The following ARHGAP18 variants were observed in gnomAD, a reference collection of about 807,000 sequenced individuals.
The protein encoded by ARHGAP18 is Rho GTPase activating protein 18, also known as rho GTPase-activating protein 18.
ARHGAP18 carries 67 observed loss-of-function variants against 86.2 expected under a neutral mutation model. The observed-to-expected ratio is 0.78, with a 90% CI of 0.64 to 0.95. ARHGAP18 has a LOEUF of 0.95. ARHGAP18 is among the 40% of genes least tolerant of loss of function. The pLI, the probability that ARHGAP18 is intolerant of heterozygous loss-of-function variation, is 0.00. For synonymous variants in ARHGAP18, 283 were observed against 280.4 expected (o/e 1.01, Z -0.09); for missense variants, 691 against 780.4 (o/e 0.89, Z 1.37).
At chr6:129,603,857 C>T (rs953196627) in intron 10 of ARHGAP18, among the ~76,000 whole-genome samples, 1 of 152,192 alleles carries the variant, frequency 6.6e-6, no homozygotes, top group Non-Finnish European at 1.5e-5. Context: ...TGGTATTTAA[C>T]ATGGTGCCTC....
intron 3 of ARHGAP18, among the ~76,000 whole-genome samples, chr6:129,637,049 T>A (rs950394248): frequency 3.9e-5 from 6 of 152,058 alleles, no homozygotes; most frequent in African/African-American, 1.5e-4. Context: ...GTTCTTGTAC[T>A]GTTTTGTTGT....
chr6:129,640,812 T>C (rs1457743341), intron 2 of ARHGAP18, among the ~76,000 whole-genome samples: 2 of 152,304 alleles, frequency 1.3e-5, no homozygotes, highest in African/African-American at 4.8e-5. Context: ...CATCAACTTA[T>C]ATAAACATAC....
At chr6:129,620,513 C>T (rs1004389381) in intron 5 of ARHGAP18, among the ~76,000 whole-genome samples, 1 of 152,158 alleles carries the variant, frequency 6.6e-6, no homozygotes, top group South Asian at 2.1e-4. Flanking sequence ...AAGCAAACCA[C>T]AAGATAAAAA....
intron 5 of ARHGAP18, among the ~76,000 whole-genome samples, chr6:129,626,660 A>AAC (rs1173930338): frequency 1.7e-5 from 2 of 119,732 alleles, no homozygotes; most frequent in East Asian, 2.5e-4. Context: ...GTACCCCCAA[A>AAC]ACACACACAC....
At chr6:129,708,396 A>C (rs1189087397) in intron 1 of ARHGAP18, among the ~76,000 whole-genome samples, 1 of 152,122 alleles carries the variant, frequency 6.6e-6, no homozygotes, top group East Asian at 1.9e-4. Context: ...CAGCCTAGGC[A>C]GAGAATGATC....
chr6:129,659,016 A>G (rs540203784), intron 1 of ARHGAP18, among the ~76,000 whole-genome samples: 36 of 152,374 alleles, frequency 2.4e-4, no homozygotes, highest in African/African-American at 8.4e-4. Flanking sequence ...AAGCAGATCA[A>G]ATTAATGTTA....
chr6:129,624,765 T>G (rs367737685), intron 5 of ARHGAP18, among the ~76,000 whole-genome samples: 11 of 150,886 alleles, frequency 7.3e-5, no homozygotes, highest in East Asian at 3.9e-4. Context: ...GCCAAGATGG[T>G]GAAACCCCAT....
chr6:129,647,138 TA>T (rs1189777148), intron 1 of ARHGAP18, among the ~76,000 whole-genome samples: 4 of 152,048 alleles, frequency 2.6e-5, no homozygotes, highest in East Asian at 1.9e-4. Flanking sequence ...AAAATGTCTT[TA>T]AAAAAAACCC....
At chr6:129,638,932 A>G (rs1361658475) in intron 2 of ARHGAP18, among the ~76,000 whole-genome samples, 2 of 152,216 alleles carry the variant, frequency 1.3e-5, no homozygotes, top group East Asian at 1.9e-4. Flanking sequence ...AGCAAAGAAT[A>G]AAAAGATAAC....
chr6:129,642,105 T>C, intron 1 of ARHGAP18, 87 bp from the exon 2 acceptor site: 1 of 1,165,706 alleles, frequency 8.6e-7, no homozygotes, highest in Non-Finnish European at 1.3e-6. Context: ...AGCTGGAGAA[T>C]TTATTAACTC....
chr6:129,615,932 C>T (rs1319084857), intron 7 of ARHGAP18, among the ~76,000 whole-genome samples: 1 of 152,102 alleles, frequency 6.6e-6, no homozygotes, highest in Non-Finnish European at 1.5e-5. Flanking sequence ...AGTTCCCACT[C>T]CTATGTATTA....
chr6:129,637,501 C>A (rs1691646370), intron 3 of ARHGAP18, among the ~76,000 whole-genome samples: 1 of 152,154 alleles, frequency 6.6e-6, no homozygotes, highest in East Asian at 1.9e-4. Context: ...GGCTAGACAC[C>A]TTAAAGTTTA....
chr6:129,681,452 T>C (rs1774323398), intron 1 of ARHGAP18, among the ~76,000 whole-genome samples: 1 of 152,240 alleles, frequency 6.6e-6, no homozygotes. Context: ...AAAACCTACA[T>C]ATAAATCAAT....
At chr6:129,662,035 C>T (rs929734005) in intron 1 of ARHGAP18, 2 of 450,564 alleles carry the variant, frequency 4.4e-6, no homozygotes, top group Non-Finnish European at 5.9e-6. Context: ...CCAAGATCCA[C>T]GCAAGCTGCA....
At chr6:129,649,138 T>C (rs1352676413) in intron 1 of ARHGAP18, among the ~76,000 whole-genome samples, 1 of 152,256 alleles carries the variant, frequency 6.6e-6, no homozygotes, top group Non-Finnish European at 1.5e-5. Context: ...TCAAATGCTA[T>C]AGTCTTAAGG....
At chr6:129,604,843 C>G (rs972090280) in intron 10 of ARHGAP18, among the ~76,000 whole-genome samples, 9 of 152,146 alleles carry the variant, frequency 5.9e-5, no homozygotes, top group African/African-American at 1.9e-4. Flanking sequence ...CGTTTTACCT[C>G]CAGTAATCCC....
intron 7 of ARHGAP18, among the ~76,000 whole-genome samples, chr6:129,612,074 G>C (rs549507641): frequency 5.3e-5 from 8 of 152,308 alleles, no homozygotes; most frequent in African/African-American, 1.9e-4. Flanking sequence ...TCATTTTTAA[G>C]TCTTTGGTGT....
chr6:129,584,163 T>A, intron 12 of ARHGAP18, 51 bp from the exon 13 acceptor site: 1 of 1,609,792 alleles, frequency 6.2e-7, no homozygotes, highest in East Asian at 2.2e-5. Flanking sequence ...CTGGAACGTG[T>A]AACTCTACAA....
At chr6:129,650,260 C>T (rs192232613) in intron 1 of ARHGAP18, among the ~76,000 whole-genome samples, 4 of 152,066 alleles carry the variant, frequency 2.6e-5, no homozygotes, top group African/African-American at 9.6e-5. Flanking sequence ...AGAATAGGGA[C>T]ATAGTAACCA....
Sources: gnomAD v4.1 joint callset for allele counts (sites outside exome capture counted in the v4.1 genomes callset) on GRCh38, gnomAD v4.1.1 for gene constraint, MANE v1.5 for transcripts, NCBI Gene and HGNC (gene_info 2026-07-23, HGNC 2026-07-21) for gene names.